The following CD164 variants were observed in gnomAD, a reference collection of about 807,000 sequenced individuals.
The protein encoded by CD164 is CD164 molecule.
CD164 carries 11 observed loss-of-function variants against 24.6 expected under a neutral mutation model. The ratio of observed to expected loss-of-function variants is 0.45; its 90% CI spans 0.28 to 0.74. CD164 has a LOEUF of 0.74. Among genes scored for constraint, CD164 ranks in the 30% least tolerant of loss-of-function variants. The pLI is 0.13. For missense variants in CD164, 295 were observed against 243.7 expected, an observed-to-expected ratio of 1.21 and a Z score of -1.40; for synonymous variants, 126 against 100.3, an observed-to-expected ratio of 1.26 and a Z score of -1.53.
intron 4 of CD164, chr6:109,370,705 G>C (rs1771029728): frequency 2.4e-6 from 1 of 412,704 alleles, no homozygotes; most frequent in Admixed American, 4.2e-5. Context: ...TATCTATCTT[G>C]TATAAAATCT....
At chr6:109,376,204 G>C (rs775073668) in intron 3 of CD164, 92 bp from the exon 4 acceptor site, 38 of 847,414 alleles carry the variant, frequency 4.5e-5, no homozygotes, top group Non-Finnish European at 6.4e-5. Flanking sequence ...GCAATCATTT[G>C]AGTACTTTTC....
chr6:109,379,925 G>A (rs1300188592), intron 1 of CD164: 3 of 287,038 alleles, frequency 1.0e-5, no homozygotes, highest in Non-Finnish European at 1.3e-5. Flanking sequence ...TTTTTCACAG[G>A]ACAACTATTG....
At chr6:109,374,556 C>T (rs1771288124) in intron 4 of CD164, among the ~76,000 whole-genome samples, 1 of 152,162 alleles carries the variant, frequency 6.6e-6, no homozygotes, top group Non-Finnish European at 1.5e-5. Context: ...ATCTACTCTC[C>T]ACAATGCCAG....
At position 109,367,710 on chromosome 6, in the gene CD164, C is replaced by T; in HGVS notation, c.*1141G>A. ...AGGTGTTGTGAAATTACATTGGTCA[C>T]TTCTGTTATCTTAAAACTTAAAATG... is the stretch of plus-strand genomic sequence containing the variant. On this transcript the variant is annotated 3_prime_UTR_variant, in exon 6 of 6. Transcript: ENST00000310786. 1 of 152,588 alleles carries T rather than the reference C, an allele frequency of 6.6e-6. No individual in the cohort carries two copies. The allele number at this position is 152,588 out of a possible 1,614,324, so 9.5% of individuals were successfully genotyped here. A position where few individuals can be genotyped will look rare whatever the true frequency, so the allele number is the denominator to read the frequency against.
At chr6:109,378,180 C>T (rs1360210457) in intron 2 of CD164, among the ~76,000 whole-genome samples, 1 of 152,158 alleles carries the variant, frequency 6.6e-6, no homozygotes, top group African/African-American at 2.4e-5. Context: ...ACGCAGGATC[C>T]TTCTAACTTT....
intron 1 of CD164, among the ~76,000 whole-genome samples, chr6:109,381,079 C>G (rs1771711089): frequency 6.6e-6 from 1 of 152,208 alleles, no homozygotes; most frequent in Non-Finnish European, 1.5e-5. Context: ...CGGCATTCTT[C>G]GGTCAAGAAG....
At chr6:109,377,655 A>C (rs1194983521) in intron 3 of CD164, among the ~76,000 whole-genome samples, 1 of 152,014 alleles carries the variant, frequency 6.6e-6, no homozygotes, top group East Asian at 1.9e-4. Flanking sequence ...AAAAAAAAAA[A>C]AAAAAGTGTG....
At chr6:109,373,797 A>T (rs1041631358) in intron 4 of CD164, among the ~76,000 whole-genome samples, 19 of 152,230 alleles carry the variant, frequency 1.2e-4, no homozygotes, top group Non-Finnish European at 2.6e-4. Context: ...TATAATCATC[A>T]GCTCAAAATA....
chr6:109,376,165 T>C (rs558692197), intron 3 of CD164, 53 bp from the exon 4 acceptor site: 91 of 1,313,302 alleles, frequency 6.9e-5, no homozygotes, highest in Non-Finnish European at 9.2e-5. Flanking sequence ...ATTTAAAATA[T>C]CACAATCTAT....
chr6:109,376,131 A>C lies in CD164; in HGVS notation c.332-19T>G. 6.4e-7 allele frequency: 1 copy of C among 1,551,518 alleles called. No individual in the cohort carries two copies. Among genetic ancestry groups the C allele is most frequent in the Non-Finnish European group, 8.6e-7 (1 of 1,157,320 alleles). ...GTGGAAACTATTAAAAAAAGAAAAA[A>C]GAAAAACCATATACATCAAAGCTAT... On this transcript the variant is annotated intron_variant, in intron 3 of 5. Transcript: ENST00000310786.
rs370093477 is a variant in CD164 at position 109,377,975 on chromosome 6, T to C, written c.260-4A>G. ...TTATGTGAACAATAGCTCTCATCTG[T>C]TGGGGGGCAGGGGAAAAGAGACAAA... is the stretch of plus-strand genomic sequence containing the variant. On this transcript the variant is annotated splice_polypyrimidine_tract_variant and splice_region_variant and intron_variant, in intron 2 of 5. Transcript: ENST00000310786. 18 of 1,612,164 alleles carry C rather than the reference T, an allele frequency of 1.1e-5. No homozygotes were observed. The highest frequency in any genetic ancestry group is 3.3e-5 in the Admixed American group (2 of 59,988).
chr6:109,382,135 G>A (rs527623720), intron 1 of CD164, 69 bp downstream of exon 1: 2 of 1,286,174 alleles, frequency 1.6e-6, no homozygotes, highest in African/African-American at 1.6e-5. Context: ...GGCCCCGCCC[G>A]CACGGCGAGG....
At chr6:109,371,902 G>A (rs1359414338) in intron 4 of CD164, 1 of 152,318 alleles carries the variant, frequency 6.6e-6, no homozygotes, top group Non-Finnish European at 1.5e-5. Context: ...GGGGAAAGAT[G>A]AGGAAGATTA....
rs1232243192 is a variant in CD164, at chr6:109,367,882, T to C, written c.*969A>G. The C allele has an allele frequency of 1.9e-5, 3 of 156,420 alleles. No individual in the cohort carries two copies. The South Asian group carries it at 5.9e-4, about 31-fold the overall frequency. The allele number at this position is 156,420 out of a possible 1,614,324, so 9.7% of individuals were successfully genotyped here. A position where few individuals can be genotyped will look rare whatever the true frequency, so the allele number is the denominator to read the frequency against. ...TGGTGGAAATCCTTTCAAGGTACAA[T>C]AGTGCTAGCATACTTTTTTTTAAAG... On this transcript the variant is annotated 3_prime_UTR_variant, in exon 6 of 6. Coordinates refer to ENST00000310786, the MANE Select transcript of CD164 (RefSeq NM_006016.6).
At chr6:109,371,358 C>T (rs974436296) in intron 4 of CD164, 3 of 152,406 alleles carry the variant, frequency 2.0e-5, no homozygotes, top group South Asian at 2.1e-4. Context: ...TCAAACGATT[C>T]TCCTCCCTCA....
intron 2 of CD164, among the ~76,000 whole-genome samples, chr6:109,378,584 A>G (rs573342067): frequency 6.6e-6 from 1 of 152,356 alleles, no homozygotes; most frequent in South Asian, 2.1e-4. Flanking sequence ...TTTCTAAAAC[A>G]ACTTTCCTGG....
At chr6:109,381,544 T>A (rs1226581988) in intron 1 of CD164, 1 of 702,602 alleles carries the variant, frequency 1.4e-6, no homozygotes, top group East Asian at 2.7e-5. Context: ...AAACACCCGG[T>A]ACATACATGG....
chr6:109,375,006 T>C (rs999528393), intron 4 of CD164, among the ~76,000 whole-genome samples: 4 of 152,244 alleles, frequency 2.6e-5, no homozygotes, highest in Non-Finnish European at 5.9e-5. Flanking sequence ...TAGACGCATT[T>C]AATATTGGTA....
rs763418168 is a variant in CD164 at position 109,382,416 on chromosome 6, C to T, written c.-38G>A. On this transcript the variant is annotated 5_prime_UTR_variant, in exon 1 of 6. Coordinates refer to ENST00000310786, the MANE Select transcript of CD164 (RefSeq NM_006016.6). Reference sequence around the variant, plus strand: ...GCTGGCGTTCGGGAGAAAGCTAAGGCTCGCAACGCTCAGTCAACCCCTCAA... The same window carrying T: ...GCTGGCGTTCGGGAGAAAGCTAAGGTTCGCAACGCTCAGTCAACCCCTCAA... 753 of 1,471,394 alleles carry T rather than the reference C, an allele frequency of 5.1e-4. 5 individuals carry two copies. Among genetic ancestry groups the T allele is most frequent in the Non-Finnish European group, 2.0e-5 (22 of 1,107,588 alleles). 91.1% of individuals were successfully genotyped at this position (1,471,394 alleles called of 1,614,324 possible). A position where few individuals can be genotyped will look rare whatever the true frequency, so the allele number is the denominator to read the frequency against.
Sources: allele counts gnomAD v4.1 joint callset (sites outside exome capture counted in the v4.1 genomes callset), GRCh38; gene constraint gnomAD v4.1.1; transcripts MANE v1.5; gene names NCBI Gene and HGNC (gene_info 2026-07-23, HGNC 2026-07-21).